MITF: variants seen among roughly 807,000 people sequenced by gnomAD.
MITF encodes microphthalmia-associated transcription factor.
In MITF, 17 loss-of-function variants were observed where a neutral mutation model predicts 60.5. That is an observed-to-expected ratio of 0.28 (90% CI 0.19 to 0.42). MITF has a LOEUF of 0.42. Ranked by LOEUF, MITF falls within the 10% of genes least tolerant of loss-of-function variation. The pLI is 1.00. For synonymous variants in MITF, 260 were observed against 248.5 expected, an observed-to-expected ratio of 1.05 and a Z score of -0.43; for missense variants, 622 against 683.5, an observed-to-expected ratio of 0.91 and a Z score of 1.00.
chr3:69,958,224 C>T (rs2066448041), intron 8 of MITF, among the ~76,000 whole-genome samples: 1 of 152,186 alleles, frequency 6.6e-6, no homozygotes, highest in Non-Finnish European at 1.5e-5. Flanking sequence ...CTATGTGAAG[C>T]ATCATTTATT....
intron 1 of MITF, among the ~76,000 whole-genome samples, chr3:69,774,244 T>A (rs2106849308): frequency 6.6e-6 from 1 of 152,224 alleles, no homozygotes; most frequent in East Asian, 1.9e-4. Flanking sequence ...AATTTGGCTC[T>A]GCCCCAAAGT....
At chr3:69,863,082 G>C (rs1370952371) in intron 1 of MITF, among the ~76,000 whole-genome samples, 1 of 152,028 alleles carries the variant, frequency 6.6e-6, no homozygotes, top group Non-Finnish European at 1.5e-5. Context: ...GCCCAAGACA[G>C]TTGCTTACAT....
chr3:69,806,483 G>A (rs1376744633), intron 1 of MITF, among the ~76,000 whole-genome samples: 1 of 152,096 alleles, frequency 6.6e-6, no homozygotes, highest in Non-Finnish European at 1.5e-5. Flanking sequence ...AAGAGCCAAT[G>A]TATAATTTGA....
At chr3:69,759,464 A>G (rs945336335) in intron 1 of MITF, among the ~76,000 whole-genome samples, 10 of 152,198 alleles carry the variant, frequency 6.6e-5, no homozygotes, top group African/African-American at 1.7e-4. Context: ...TTTAACCTCA[A>G]TTGGTAACGT....
At chr3:69,840,961 G>A (rs2063626880) in intron 1 of MITF, among the ~76,000 whole-genome samples, 1 of 151,966 alleles carries the variant, frequency 6.6e-6, no homozygotes, top group South Asian at 2.1e-4. Flanking sequence ...TCACCATGTT[G>A]GCCAAGCTGG....
chr3:69,776,900 A>G (rs912318738), intron 1 of MITF, among the ~76,000 whole-genome samples: 1 of 152,230 alleles, frequency 6.6e-6, no homozygotes, highest in Non-Finnish European at 1.5e-5. Flanking sequence ...TGGCTTATAT[A>G]GAACTTATAT....
At chr3:69,786,094 C>A (rs540371609) in intron 1 of MITF, among the ~76,000 whole-genome samples, 1 of 152,116 alleles carries the variant, frequency 6.6e-6, no homozygotes, top group Non-Finnish European at 1.5e-5. Flanking sequence ...GTGCTTCCTG[C>A]GTATGCTTTA....
chr3:69,964,230 G>A (rs929648469), intron 9 of MITF, among the ~76,000 whole-genome samples: 2 of 151,562 alleles, frequency 1.3e-5, no homozygotes, highest in African/African-American at 2.4e-5. Flanking sequence ...CGCCCCCCTC[G>A]GCCTCCCAAA....
Position 69,914,396 on chromosome 3 carries a change from A to T in MITF, c.355-23426A>T, listed in dbSNP as rs551548149. 1.2e-3 allele frequency among the ~76,000 whole-genome samples: 184 copies of T among 152,316 alleles called. 1 individual carries two copies. Among genetic ancestry groups the T allele is most frequent in the African/African-American group, 4.4e-3 (181 of 41,568 alleles). The stretch of plus-strand genomic sequence containing the variant: ...CTCGGCCTCCCAAAGTGCTGGGATT[A>T]CAGGCATGAGCCACCACACCCAGCC... On this transcript the variant is annotated intron_variant, in intron 2 of 9. Transcript: ENST00000352241.
chr3:69,749,361 G>A (rs9851608), intron 1 of MITF, among the ~76,000 whole-genome samples: 1,849 of 152,306 alleles, frequency 0.012, 33 homozygotes, highest in African/African-American at 0.042. Context: ...TTTTTTCAGC[G>A]AAAGGTGGAA....
intron 1 of MITF, among the ~76,000 whole-genome samples, chr3:69,871,596 T>C (rs578049572): frequency 6.6e-6 from 1 of 152,356 alleles, no homozygotes; most frequent in African/African-American, 2.4e-5. Flanking sequence ...GATTACAGTT[T>C]GTACTTTTGT....
intron 1 of MITF, among the ~76,000 whole-genome samples, chr3:69,845,438 C>T (rs935764690): frequency 1.0e-4 from 14 of 133,666 alleles, no homozygotes; most frequent in Non-Finnish European, 9.8e-5. Context: ...TTTCTTTTTT[C>T]TTTCTTTTTT....
chr3:69,803,677 A>G (rs1018318733), intron 1 of MITF, among the ~76,000 whole-genome samples: 1 of 152,232 alleles, frequency 6.6e-6, no homozygotes, highest in East Asian at 1.9e-4. Flanking sequence ...GAAAACAGGC[A>G]CATGTGTGTG....
At chr3:69,776,981 A>G (rs773548887) in intron 1 of MITF, among the ~76,000 whole-genome samples, 2 of 152,218 alleles carry the variant, frequency 1.3e-5, no homozygotes, top group Non-Finnish European at 1.5e-5. Context: ...GTTGAGAGTA[A>G]TGTTACTGTT....
rs560999091 is a variant in MITF, at chr3:69,754,494, T to G, written c.104+14793T>G. 1.4e-4 allele frequency among the ~76,000 whole-genome samples: 21 copies of G among 152,280 alleles called. No individual in the cohort carries two copies. In the South Asian group the frequency reaches 4.3e-3, roughly 32 times the overall value. On this transcript the variant is annotated intron_variant, in intron 1 of 9. Coordinates refer to ENST00000352241, the MANE Select transcript of MITF (RefSeq NM_001354604.2). The stretch of plus-strand genomic sequence containing the variant: ...CTCTCTCTTGCTCCTGCTTCCACCA[T>G]GTGAGATGGCTCACTCCCACTTTGC...
At chr3:69,949,273 G>T (rs545181125) in intron 6 of MITF, 105 bp downstream of exon 6, 16 of 861,584 alleles carry the variant, frequency 1.9e-5, no homozygotes, top group Admixed American at 5.4e-5. Flanking sequence ...ACTCATGGAC[G>T]TAACTTTTAT....
intron 1 of MITF, 57 bp from the exon 2 acceptor site, chr3:69,879,077 C>G: frequency 6.8e-7 from 1 of 1,471,632 alleles, no homozygotes; most frequent in South Asian, 1.1e-5. Context: ...CCCCAAAGTG[C>G]AAACGAAGGG....
chr3:69,883,680 A>G (rs546988098), intron 2 of MITF, among the ~76,000 whole-genome samples: 47 of 152,154 alleles, frequency 3.1e-4, no homozygotes, highest in Non-Finnish European at 5.4e-4. Context: ...AAATAGCATC[A>G]TGGTGGCTGC....
chr3:69,799,034 G>A (rs188247876), intron 1 of MITF, among the ~76,000 whole-genome samples: 25 of 152,296 alleles, frequency 1.6e-4, no homozygotes, highest in Admixed American at 1.3e-3. Flanking sequence ...CAGAGAGAGC[G>A]TCAGACTTGG....
Sources: gnomAD v4.1 joint callset for allele counts (sites outside exome capture counted in the v4.1 genomes callset) on GRCh38, gnomAD v4.1.1 for gene constraint, MANE v1.5 for transcripts, NCBI Gene and HGNC (gene_info 2026-07-23, HGNC 2026-07-21) for gene names.